SGCD: variants seen among roughly 807,000 people sequenced by gnomAD.
The protein encoded by SGCD is delta-sarcoglycan.
In SGCD, 18 loss-of-function variants were observed where a neutral mutation model predicts 36.6. The ratio of observed to expected loss-of-function variants is 0.49; its 90% confidence interval spans 0.34 to 0.73. SGCD has a LOEUF of 0.73. SGCD is among the 30% of genes least tolerant of loss of function. SGCD has a pLI of 0.01. For synonymous variants in SGCD, 133 were observed against 130.6 expected, an observed-to-expected ratio of 1.02 and a Z score of -0.12; for missense variants, 387 against 346.7, an observed-to-expected ratio of 1.12 and a Z score of -0.92.
intron 2 of SGCD, among the ~76,000 whole-genome samples, chr5:156,337,576 A>G (rs1442084232): frequency 3.3e-5 from 5 of 152,080 alleles, no homozygotes; most frequent in Non-Finnish European, 7.4e-5. Flanking sequence ...CCCAAGTATC[A>G]TCTTAATTGT....
At chr5:156,237,158 C>T (rs1765187040) in intron 3 of SGCD, among the ~76,000 whole-genome samples, 1 of 151,876 alleles carries the variant, frequency 6.6e-6, no homozygotes, top group African/African-American at 2.4e-5. Context: ...TAAACAACAA[C>T]AACAAAAAAT....
chr5:156,758,485 T>A (rs1381829640), intron 8 of SGCD, among the ~76,000 whole-genome samples: 1 of 152,110 alleles, frequency 6.6e-6, no homozygotes, highest in Non-Finnish European at 1.5e-5. Context: ...TCGATGGATA[T>A]AAAAGTCCCC....
rs1268980720 is a variant in SGCD, at chr5:156,262,934, TATATATACACACAC to T, written c.-43-66586_-43-66573del. On this transcript the variant is annotated intron_variant, in intron 3 of 9. Transcript: ENST00000517913. The stretch of plus-strand genomic sequence containing the variant: ...GTGTGTGTGTGTGTGTATACATATA[TATATATACACACAC>T]ATATATACACACATATATATACACT... 2.6e-5 allele frequency among the ~76,000 whole-genome samples: 4 copies of T among 152,082 alleles called. 1 individual carries two copies. The highest frequency in any genetic ancestry group is 7.2e-5 in the African/African-American group (3 of 41,502).
chr5:156,040,299 C>A (rs1033771799), intron 1 of SGCD, among the ~76,000 whole-genome samples: 2 of 152,180 alleles, frequency 1.3e-5, no homozygotes, highest in African/African-American at 4.8e-5. Flanking sequence ...TAAGCCTTGG[C>A]GTCTCCGACA....
At chr5:156,747,899 A>C (rs2113125890) in intron 7 of SGCD, among the ~76,000 whole-genome samples, 1 of 152,272 alleles carries the variant, frequency 6.6e-6, no homozygotes, top group East Asian at 1.9e-4. Flanking sequence ...CTGCCTGTTC[A>C]AGAGAAATGA....
At chr5:156,021,947 CAG>C (rs1759113784) in intron 1 of SGCD, among the ~76,000 whole-genome samples, 1 of 152,136 alleles carries the variant, frequency 6.6e-6, no homozygotes, top group South Asian at 2.1e-4. Flanking sequence ...TTAGTATATT[CAG>C]AGTTGTACAA....
the SGCD span, among the ~76,000 whole-genome samples, chr5:155,795,098 A>T: frequency 6.6e-6 from 1 of 152,152 alleles, no homozygotes; most frequent in Non-Finnish European, 1.5e-5. Context: ...ACTGAGAGTG[A>T]AAATGGAGGT....
chr5:155,888,307 T>TATTG (rs1378527700), intron 1 of SGCD, among the ~76,000 whole-genome samples: 1 of 152,216 alleles, frequency 6.6e-6, no homozygotes, highest in Non-Finnish European at 1.5e-5. Context: ...TTCCGAAATG[T>TATTG]ATTGGTCCTT....
chr5:156,371,252 T>A (rs986851914), intron 3 of SGCD, among the ~76,000 whole-genome samples: 3 of 152,244 alleles, frequency 2.0e-5, no homozygotes, highest in African/African-American at 4.8e-5. Context: ...GGTTTTTGAG[T>A]TTTTTATTAT....
chr5:156,142,400 T>A (rs1227800419), intron 3 of SGCD, among the ~76,000 whole-genome samples: 1 of 152,180 alleles, frequency 6.6e-6, no homozygotes, highest in Non-Finnish European at 1.5e-5. Flanking sequence ...TATAAAAGCA[T>A]CTGAAAACGT....
Position 156,482,813 on chromosome 5 carries a change from G to GTTTTTTTTTT in SGCD, c.193-25772_193-25763dup, listed in dbSNP as rs3074979. On this transcript the variant is annotated intron_variant, in intron 3 of 8. Transcript: ENST00000337851. ...GCAGGTAGTATTATCCTTTTGGTCA[G>GTTTTTTTTTT]TTTTTTTTTTTTTTTTTTTTTTTTT... 2.3e-4 allele frequency among the ~76,000 whole-genome samples: 19 copies of GTTTTTTTTTT among 83,378 alleles called. 2 individuals carry two copies. The highest frequency in any genetic ancestry group is 1.2e-3 in the East Asian group (3 of 2,454). 54.7% of individuals were successfully genotyped at this position (83,378 alleles called of 152,430 possible). A position where few individuals can be genotyped will look rare whatever the true frequency, so the allele number is the denominator to read the frequency against.
intron 1 of SGCD, among the ~76,000 whole-genome samples, chr5:155,986,770 T>C (rs1758340413): frequency 6.6e-6 from 1 of 152,208 alleles, no homozygotes; most frequent in Non-Finnish European, 1.5e-5. Flanking sequence ...GGTTATGCGG[T>C]GATCATTGAT....
intron 3 of SGCD, among the ~76,000 whole-genome samples, chr5:156,285,503 C>T (rs1418851059): frequency 6.6e-6 from 1 of 152,048 alleles, no homozygotes; most frequent in African/African-American, 2.4e-5. Context: ...AGAACAGTGC[C>T]CTCAGAAATA....
intron 1 of SGCD, among the ~76,000 whole-genome samples, chr5:156,069,394 T>C (rs1760458590): frequency 6.6e-6 from 1 of 152,118 alleles, no homozygotes; most frequent in Non-Finnish European, 1.5e-5. Flanking sequence ...CTTTCCCCAT[T>C]GCTTGTTTTT....
Position 156,127,750 on chromosome 5 carries a change from C to T in SGCD, c.-44+3731C>T, listed in dbSNP as rs1017475132. Among the ~76,000 whole-genome samples the T allele has an allele frequency of 3.4e-5, 5 of 145,134 alleles. No individual in the cohort carries two copies. In the South Asian group the frequency reaches 1.1e-3, roughly 32 times the overall value. ...GGAAAAATTGCTTGAACAAATAATA[C>T]AAAACAGCCGGATATTTATGTAAAA... On this transcript the variant is annotated intron_variant, in intron 3 of 9. Transcript: ENST00000517913.
chr5:156,311,549 A>G (rs1581235753), intron 3 of SGCD, among the ~76,000 whole-genome samples: 1 of 152,158 alleles, frequency 6.6e-6, no homozygotes, highest in African/African-American at 2.4e-5. Flanking sequence ...AGAGTCTTAT[A>G]AAGACCTTAA....
rs1225507810 is a variant in SGCD at position 155,885,241 on chromosome 5, CA to C, written c.-282+14820del. On this transcript the variant is annotated intron_variant, in intron 1 of 9. Transcript: ENST00000517913. ...GAGGTGCTGAGAAAGAATACAGAGA[CA>C]AAGGACAGAGTTCCTGCTTTTAATA... 5.2e-5 allele frequency among the ~76,000 whole-genome samples: 6 copies of C among 115,844 alleles called. 3 individuals are homozygous for C. The highest frequency in any genetic ancestry group is 2.6e-4 in the African/African-American group (6 of 22,680). 76.0% of individuals were successfully genotyped at this position (115,844 alleles called of 152,430 possible).
intron 3 of SGCD, among the ~76,000 whole-genome samples, chr5:156,306,774 G>A (rs1006391258): frequency 5.3e-5 from 8 of 152,130 alleles, no homozygotes; most frequent in Non-Finnish European, 1.2e-4. Flanking sequence ...GTTCAATTTC[G>A]TGTTCCTTTG....
intron 3 of SGCD, among the ~76,000 whole-genome samples, chr5:156,484,016 T>C (rs1319288884): frequency 3.3e-5 from 5 of 152,164 alleles, no homozygotes; most frequent in African/African-American, 4.8e-5. Flanking sequence ...AGTCTGAAAT[T>C]GACATCCCAG....
Sources: allele counts gnomAD v4.1 joint callset (sites outside exome capture counted in the v4.1 genomes callset), GRCh38; gene constraint gnomAD v4.1.1; transcripts MANE v1.5; gene names NCBI Gene and HGNC (gene_info 2026-07-23, HGNC 2026-07-21).